KDM4C: variants seen among roughly 807,000 people sequenced by gnomAD.
KDM4C encodes the protein lysine demethylase 4C, also known as lysine-specific demethylase 4C.
KDM4C carries 81 observed loss-of-function variants against 129.3 expected under a neutral mutation model. That is an observed-to-expected ratio of 0.63 (90% confidence interval 0.52 to 0.75). The LOEUF is 0.75. Among genes scored for constraint, KDM4C ranks in the 30% least tolerant of loss-of-function variants. The pLI is 0.00. For missense variants in KDM4C, 1,457 were observed against 1,304.0 expected, an observed-to-expected ratio of 1.12 and a Z score of -1.81; for synonymous variants, 573 against 456.1, an observed-to-expected ratio of 1.26 and a Z score of -3.26.
At position 6,785,227 on chromosome 9, in the gene KDM4C, T is replaced by C. The variant is rs550153222; in HGVS notation, c.-17-7745T>C. ...TCTGCTTACAGCCTTTGTTGTAGTTTCTTGTGTTTGCCAGGAGTCCTTGGC... is the reference window on the plus strand; with the variant it reads ...TCTGCTTACAGCCTTTGTTGTAGTTCCTTGTGTTTGCCAGGAGTCCTTGGC... On this transcript the variant is annotated intron_variant, in intron 1 of 21. Coordinates refer to ENST00000381309, the MANE Select transcript of KDM4C (RefSeq NM_015061.6). 9.8e-5 allele frequency among the ~76,000 whole-genome samples: 15 copies of C among 152,348 alleles called. No homozygotes were observed. The South Asian group carries it at 3.1e-3, about 32-fold the overall frequency.
chr9:6,900,239 A>C (rs1817155284), intron 8 of KDM4C, among the ~76,000 whole-genome samples: 1 of 152,128 alleles, frequency 6.6e-6, no homozygotes, highest in South Asian at 2.1e-4. Flanking sequence ...ATGAAGAAGA[A>C]AATAGGGCAG....
chr9:7,161,189 T>C lies in KDM4C; in HGVS notation c.2782-4049T>C, dbSNP rs112544569. ...CTGGTTGCTAAGACCTTGAGAAAAG[T>C]GCAGTATTGGGGCAGGCGTGTCCCA... On this transcript the variant is annotated intron_variant, in intron 19 of 21. Transcript: ENST00000381309. 4.0e-3 allele frequency among the ~76,000 whole-genome samples: 607 copies of C among 152,228 alleles called. 3 individuals are homozygous for C. The highest frequency in any genetic ancestry group is 0.014 in the African/African-American group (570 of 41,540).
chr9:6,837,855 TTTTA>T (rs1396445448), intron 4 of KDM4C, among the ~76,000 whole-genome samples: 1 of 152,176 alleles, frequency 6.6e-6, no homozygotes, highest in Non-Finnish European at 1.5e-5. Flanking sequence ...ATTTTTACTA[TTTTA>T]TTTAGTTTTT....
In KDM4C at chr9:7,044,595, G is replaced by A. The variant is rs115029470; in HGVS notation, c.2260-2267G>A. Among the ~76,000 whole-genome samples, 1,209 of 152,058 alleles carry A rather than the reference G, an allele frequency of 8.0e-3. 14 individuals carry two copies. Among genetic ancestry groups the A allele is most frequent in the African/African-American group, 0.028 (1,151 of 41,510 alleles). ...AGGAAAAATGTGTCCTCCAATATGA[G>A]CTAGAATGGATGGTAGGCACCAATG... On this transcript the variant is annotated intron_variant, in intron 15 of 21. Coordinates refer to ENST00000381309, the MANE Select transcript of KDM4C (RefSeq NM_015061.6).
intron 12 of KDM4C, among the ~76,000 whole-genome samples, chr9:7,003,885 C>G (rs1821178960): frequency 1.3e-5 from 2 of 152,120 alleles, no homozygotes; most frequent in African/African-American, 2.4e-5. Context: ...TTTTGAGTAT[C>G]TCACTTCTGC....
Position 7,040,222 on chromosome 9 carries a change from A to G in KDM4C, c.2260-6640A>G, listed in dbSNP as rs569377553. On this transcript the variant is annotated intron_variant, in intron 15 of 21. Transcript: ENST00000381309. ...CTTACATTTTACTTCTTCATATACTATACTCCACAGTGTTATTATTTTTGT... is the reference window on the plus strand; with the variant it reads ...CTTACATTTTACTTCTTCATATACTGTACTCCACAGTGTTATTATTTTTGT... Among the ~76,000 whole-genome samples the G allele has an allele frequency of 8.6e-5, 13 of 152,014 alleles. No individual in the cohort carries two copies. The South Asian group carries it at 2.3e-3, about 27-fold the overall frequency.
chr9:6,929,675 T>C (rs1371797459), intron 8 of KDM4C, among the ~76,000 whole-genome samples: 1 of 151,922 alleles, frequency 6.6e-6, no homozygotes, highest in Admixed American at 6.6e-5. Flanking sequence ...AATTGTCTGG[T>C]TGAGGTCACT....
At chr9:6,885,142 A>G (rs929588320) in intron 6 of KDM4C, among the ~76,000 whole-genome samples, 33 of 152,272 alleles carry the variant, frequency 2.2e-4, no homozygotes, top group African/African-American at 7.5e-4. Flanking sequence ...CACATTTCCA[A>G]TACCCCAAAA....
intron 8 of KDM4C, among the ~76,000 whole-genome samples, chr9:6,913,305 A>G (rs952758368): frequency 3.3e-5 from 5 of 152,232 alleles, no homozygotes; most frequent in Admixed American, 6.5e-5. Flanking sequence ...TTTAAATGCA[A>G]GCAAGTTGAT....
At chr9:7,003,762 A>G (rs1184285927) in intron 12 of KDM4C, among the ~76,000 whole-genome samples, 1 of 152,156 alleles carries the variant, frequency 6.6e-6, no homozygotes, top group Non-Finnish European at 1.5e-5. Flanking sequence ...TGTACTTTTG[A>G]ACACAGCTTT....
At chr9:7,089,570 G>A (rs1835547374) in intron 17 of KDM4C, among the ~76,000 whole-genome samples, 1 of 152,168 alleles carries the variant, frequency 6.6e-6, no homozygotes, top group Non-Finnish European at 1.5e-5. Context: ...CTGCTCACAT[G>A]ACACAATACT....
At position 6,758,504 on chromosome 9, in the gene KDM4C, G is replaced by C. The variant is rs1001464160; in HGVS notation, c.-18+301G>C. Among the ~76,000 whole-genome samples, 4 of 152,228 alleles carry C rather than the reference G, an allele frequency of 2.6e-5. No individual in the cohort carries two copies. The highest frequency in any genetic ancestry group is 2.0e-4 in the Admixed American group (3 of 15,290). On this transcript the variant is annotated intron_variant, in intron 1 of 21. Transcript: ENST00000381309. This position sits in a 1 kb window ranked among gnomAD's most constrained non-coding sequence, Gnocchi z 4.6. Reference sequence around the variant, plus strand: ...GAGTCGGGGTCGCCTCCTTGGGGCAGAGGAGCGCTCGGGCGGTCCTGGGAT... The same window carrying C: ...GAGTCGGGGTCGCCTCCTTGGGGCACAGGAGCGCTCGGGCGGTCCTGGGAT...
Position 6,720,980 on chromosome 9 carries a change from C to G in KDM4C, c.32C>G (p.Thr11Ser), listed in dbSNP as rs554001602. Residue 11 changes from threonine (T) to serine (S), a missense_variant, in exon 1 of 18, where the codon ACT becomes AGT. By Grantham distance (58) the Thr-to-Ser change is moderately conservative. Transcript: ENST00000536108. The stretch of plus-strand genomic sequence containing the variant: ...CACTATGGGCTGCCCTGGAAGAGGA[C>G]TGAAGAAGCAGCTGCAGGTGAGTGC... 146 of 1,551,620 alleles carry G rather than the reference C, an allele frequency of 9.4e-5. 3 individuals carry two copies. In the South Asian group the frequency reaches 1.7e-3, roughly 18 times the overall value.
At chr9:6,808,329 T>G (rs1830511664) in intron 3 of KDM4C, among the ~76,000 whole-genome samples, 1 of 68,086 alleles carries the variant, frequency 1.5e-5, no homozygotes, top group East Asian at 3.7e-4. Context: ...ATGGGAGACT[T>G]TTCATTTTGT....
rs1298909317 is a variant in KDM4C, at chr9:7,056,418, G to C, written c.2424+7218G>C. On this transcript the variant is annotated intron_variant, in intron 17 of 21. Coordinates refer to ENST00000381309, the MANE Select transcript of KDM4C (RefSeq NM_015061.6). ...TCAGAATGATTTGCTACAGGGACTA[G>C]ATCCTATTGCAAGCTGTCAAATTTG... is the stretch of plus-strand genomic sequence containing the variant. Among the ~76,000 whole-genome samples the C allele has an allele frequency of 2.0e-5, 3 of 151,748 alleles. No individual in the cohort carries two copies. The South Asian group carries it at 6.2e-4, about 31-fold the overall frequency.
intron 18 of KDM4C, among the ~76,000 whole-genome samples, chr9:7,126,685 A>G (rs1840057263): frequency 6.6e-6 from 1 of 152,198 alleles, no homozygotes. Context: ...GGAAAGGTTG[A>G]GAATCAAAGA....
At position 7,161,088 on chromosome 9, in the gene KDM4C, T is replaced by A. The variant is rs572413575; in HGVS notation, c.2782-4150T>A. Among the ~76,000 whole-genome samples the A allele has an allele frequency of 3.3e-5, 5 of 152,302 alleles. No homozygotes were observed. The East Asian group carries it at 9.6e-4, about 29-fold the overall frequency. On this transcript the variant is annotated intron_variant, in intron 19 of 21. Transcript: ENST00000381309. ...GCCACCTCGCACTTCAGTCTCAGAC[T>A]GCTGCGCTAGCAGTGAGCAAGGCTC...
chr9:6,982,216 C>G (rs1009151306), intron 9 of KDM4C: 2 of 149,030 alleles, frequency 1.3e-5, no homozygotes, highest in African/African-American at 2.5e-5. Flanking sequence ...TATTTTCTGT[C>G]TTTTTTTTTT....
chr9:7,131,111 A>T (rs1840587874), intron 19 of KDM4C, among the ~76,000 whole-genome samples: 1 of 151,900 alleles, frequency 6.6e-6, no homozygotes, highest in Non-Finnish European at 1.5e-5. Context: ...AACTGAATTC[A>T]TCTTTGTGCA....
Sources: allele counts gnomAD v4.1 joint callset (sites outside exome capture counted in the v4.1 genomes callset), GRCh38; gene constraint gnomAD v4.1.1; non-coding constraint Gnocchi (gnomAD v3.1); transcripts MANE v1.5; gene names NCBI Gene and HGNC (gene_info 2026-07-23, HGNC 2026-07-21).